The following TTC28 variants were observed in gnomAD, a reference collection of about 807,000 sequenced individuals.
The protein encoded by TTC28 is tetratricopeptide repeat domain 28.
A neutral mutation model predicts 198.0 loss-of-function variants in TTC28; 61 were observed. The ratio of observed to expected loss-of-function variants is 0.31; its 90% CI spans 0.25 to 0.38. The LOEUF is 0.38. TTC28 is among the 10% of genes least tolerant of loss of function. The pLI, the probability that TTC28 is intolerant of heterozygous loss-of-function variation, is 1.00. For missense variants in TTC28, 2,678 were observed against 3,164.0 expected (o/e 0.85, Z 3.69); for synonymous variants, 1,171 against 1,297.8 (o/e 0.90, Z 2.10).
chr22:28,532,447 G>C (rs1349336469), intron 2 of TTC28, among the ~76,000 whole-genome samples: 1 of 152,254 alleles, frequency 6.6e-6, no homozygotes, highest in Middle Eastern at 3.4e-3. Flanking sequence ...TCCAGGACCA[G>C]ACAGATTCAC....
At chr22:28,050,134 C>G (rs1274966658) in intron 12 of TTC28, among the ~76,000 whole-genome samples, 1 of 152,092 alleles carries the variant, frequency 6.6e-6, no homozygotes, top group Non-Finnish European at 1.5e-5. Flanking sequence ...CAGAGGAGCT[C>G]AGGCACTTAT....
intron 5 of TTC28, among the ~76,000 whole-genome samples, chr22:28,243,100 G>A (rs1435192133): frequency 7.0e-6 from 1 of 142,156 alleles, no homozygotes. Flanking sequence ...CACTTTGGGA[G>A]GTCAAAGCAA....
chr22:28,345,405 G>A (rs2045889692), intron 2 of TTC28, among the ~76,000 whole-genome samples: 1 of 152,144 alleles, frequency 6.6e-6, no homozygotes, highest in African/African-American at 2.4e-5. Context: ...GAATCCTCAA[G>A]TCCGGAACCA....
Position 28,098,999 on chromosome 22 carries a change from G to C in TTC28, c.3463C>G (p.Gln1155Glu). The C allele has an allele frequency of 2.6e-6, 4 of 1,551,974 alleles. No individual in the cohort carries two copies. The highest frequency in any genetic ancestry group is 3.5e-6 in the Non-Finnish European group (4 of 1,147,056). ...ALFETIRHEA[Q>E]LSTDYKLSLF... ...GAGAGTTTGTAGTCCGTGCTCAGCT[G>C]TGCCTCATGTCGGATTGTTTCAAAC... is the stretch of plus-strand genomic sequence containing the variant. The change falls in exon 10 of 23, where the codon CAG becomes GAG. Residue 1155 changes from glutamine (Q) to glutamate (E), a missense_variant. Physicochemically the swap from Gln to Glu is conservative, Grantham distance 29. Around this residue, in one of 8 missense-constraint regions of TTC28, gnomAD observed 727 missense variants for 861.9 expected, o/e 0.84. Transcript: ENST00000397906.
chr22:28,572,773 T>C (rs533825082), intron 2 of TTC28, among the ~76,000 whole-genome samples: 2 of 152,268 alleles, frequency 1.3e-5, no homozygotes, highest in South Asian at 4.1e-4. Context: ...GTTTTGGGAT[T>C]GGTTACAAAA....
chr22:27,982,378 G>C lies in TTC28; in HGVS notation c.7289C>G (p.Pro2430Arg). The C allele has an allele frequency of 7.7e-6, 12 of 1,550,004 alleles. No individual in the cohort carries two copies. The highest frequency in any genetic ancestry group is 1.0e-5 in the Non-Finnish European group (12 of 1,146,372). ...QHDGAPPKAPPNGHWRTETTS... is the reference protein window; with the variant it reads ...QHDGAPPKAPRNGHWRTETTS... ...GGTCTCGGTGCGCCAGTGTCCGTTG[G>C]GAGGGGCTTTCGGTGGAGCTCCGTC... The change falls in exon 23 of 23, where the codon CCC becomes CGC. Residue 2430 changes from proline (P) to arginine (R), a missense_variant. Coordinates refer to ENST00000397906, the MANE Select transcript of TTC28 (RefSeq NM_001145418.2). The surrounding 1 kb of genome is among the most constrained non-coding windows in gnomAD (Gnocchi z 5.2).
At chr22:28,585,792 G>A (rs954453316) in intron 2 of TTC28, among the ~76,000 whole-genome samples, 1 of 152,084 alleles carries the variant, frequency 6.6e-6, no homozygotes, top group Non-Finnish European at 1.5e-5. Flanking sequence ...AAGAACTGAA[G>A]AGAGAAACTC....
chr22:28,547,507 G>C (rs149723866), intron 2 of TTC28, among the ~76,000 whole-genome samples: 19 of 152,120 alleles, frequency 1.2e-4, no homozygotes, highest in African/African-American at 4.6e-4. Flanking sequence ...TATAAAGTAT[G>C]CAAAACATTT....
At chr22:28,294,621 T>G (rs1253345822) in intron 5 of TTC28, among the ~76,000 whole-genome samples, 1 of 151,930 alleles carries the variant, frequency 6.6e-6, no homozygotes, top group African/African-American at 2.4e-5. Flanking sequence ...CAGGCTGGAC[T>G]TCAGTGGCGC....
chr22:28,589,936 G>T (rs922535138), intron 2 of TTC28, among the ~76,000 whole-genome samples: 7 of 149,746 alleles, frequency 4.7e-5, no homozygotes, highest in Non-Finnish European at 7.4e-5. Context: ...TACTCGGGAG[G>T]CTGAGGCAGA....
intron 2 of TTC28, among the ~76,000 whole-genome samples, chr22:28,313,374 C>T (rs1241440078): frequency 6.6e-6 from 1 of 152,156 alleles, no homozygotes; most frequent in Admixed American, 6.6e-5. Context: ...AGGCCAGCAT[C>T]ATCTGATACC....
chr22:28,030,152 C>A (rs1939013699), intron 13 of TTC28, 74 bp downstream of exon 13: 8 of 1,511,090 alleles, frequency 5.3e-6, no homozygotes, highest in Middle Eastern at 2.2e-4. Flanking sequence ...GAAGGAGCAT[C>A]CACTGAAAGC....
intron 13 of TTC28, chr22:28,028,908 CAG>C (rs1392180313): frequency 1.1e-5 from 5 of 446,378 alleles, no homozygotes; most frequent in Admixed American, 2.4e-5. Context: ...CTGAGGCTGA[CAG>C]AGGTGAAACT....
chr22:28,326,946 C>T (rs1422994030), intron 2 of TTC28, among the ~76,000 whole-genome samples: 1 of 148,908 alleles, frequency 6.7e-6, no homozygotes, highest in Non-Finnish European at 1.5e-5. Flanking sequence ...GTACTTTGGA[C>T]ATCTCAATGA....
intron 5 of TTC28, among the ~76,000 whole-genome samples, chr22:28,215,558 A>AG (rs1927321620): frequency 1.3e-5 from 2 of 152,220 alleles, no homozygotes; most frequent in African/African-American, 4.8e-5. Context: ...TGGAAATAAA[A>AG]GCAAGCTTAT....
chr22:27,990,301 G>A (rs1214584074), intron 20 of TTC28, among the ~76,000 whole-genome samples: 1 of 152,168 alleles, frequency 6.6e-6, no homozygotes, highest in Non-Finnish European at 1.5e-5. Flanking sequence ...CACAGGAGAG[G>A]CCATGGAGAG....
chr22:28,638,981 C>T (rs2051318159), intron 1 of TTC28, among the ~76,000 whole-genome samples: 1 of 152,166 alleles, frequency 6.6e-6, no homozygotes, highest in African/African-American at 2.4e-5. Flanking sequence ...CAATTCCTTA[C>T]AGAACAATTT....
chr22:28,236,504 A>G (rs2147242159), intron 5 of TTC28, among the ~76,000 whole-genome samples: 1 of 152,194 alleles, frequency 6.6e-6, no homozygotes, highest in East Asian at 1.9e-4. Flanking sequence ...AGTGATAAAT[A>G]GGACACTGGT....
At position 28,439,984 on chromosome 22, in the gene TTC28, G is replaced by A. The variant is rs141284699; in HGVS notation, c.382-133341C>T. Among the ~76,000 whole-genome samples the A allele has an allele frequency of 5.0e-3, 765 of 152,130 alleles. 3 individuals carry two copies. Among genetic ancestry groups the A allele is most frequent in the Non-Finnish European group, 7.3e-3 (493 of 67,988 alleles). Reference sequence around the variant, plus strand: ...CTGAGTAGCTGGGATTACAGGCACCGTCACTACGACTGGCTAATTTTTTGT... The same window carrying A: ...CTGAGTAGCTGGGATTACAGGCACCATCACTACGACTGGCTAATTTTTTGT... On this transcript the variant is annotated intron_variant, in intron 2 of 22. Coordinates refer to ENST00000397906, the MANE Select transcript of TTC28 (RefSeq NM_001145418.2).
Sources: gnomAD v4.1 joint callset for allele counts (sites outside exome capture counted in the v4.1 genomes callset) on GRCh38, gnomAD v4.1.1 for gene constraint, gnomAD v4.1.1 regional missense constraint, Gnocchi (gnomAD v3.1) non-coding constraint, MANE v1.5 for transcripts, NCBI Gene and HGNC (gene_info 2026-07-23, HGNC 2026-07-21) for gene names.